Variants in MTMR3 observed in about 807,000 individuals in gnomAD.
The protein encoded by MTMR3 is myotubularin related protein 3, also known as phosphatidylinositol-3,5-bisphosphate 3-phosphatase MTMR3.
In MTMR3, 32 loss-of-function variants were observed where a neutral mutation model predicts 132.4. The ratio of observed to expected loss-of-function variants is 0.24; its 90% CI spans 0.18 to 0.32. MTMR3 has a LOEUF of 0.32. MTMR3 is among the 10% of genes least tolerant of loss of function. The pLI is 1.00. For synonymous variants in MTMR3, 556 were observed against 550.3 expected, an observed-to-expected ratio of 1.01 and a Z score of -0.14; for missense variants, 1,216 against 1,489.6, an observed-to-expected ratio of 0.82 and a Z score of 3.02.
In MTMR3 at chr22:30,025,872, C is replaced by T. The variant is rs535898774; in HGVS notation, c.*71C>T. 1.8e-5 allele frequency: 28 copies of T among 1,532,004 alleles called. No homozygotes were observed. The highest frequency in any genetic ancestry group is 1.8e-4 in the East Asian group (8 of 44,420). 94.9% of individuals were successfully genotyped at this position (1,532,004 alleles called of 1,614,324 possible). Reference sequence around the variant, plus strand: ...ACAGGCCCACTCAACCTGGGCAGACCGAGAGGCCCGTGCACTTTGGAATGG... The same window carrying T: ...ACAGGCCCACTCAACCTGGGCAGACTGAGAGGCCCGTGCACTTTGGAATGG... On this transcript the variant is annotated 3_prime_UTR_variant, in exon 20 of 20. Coordinates refer to ENST00000401950, the MANE Select transcript of MTMR3 (RefSeq NM_021090.4).
chr22:30,017,947 T>C lies in MTMR3; in HGVS notation c.1695T>C (p.His565=), dbSNP rs768063349. The C allele has an allele frequency of 5.5e-5, 89 of 1,613,536 alleles. No homozygotes were observed. The highest frequency in any genetic ancestry group is 1.8e-4 in the South Asian group (16 of 91,002). The change falls in exon 16 of 20, where the codon CAT becomes CAC. Residue 565 remains histidine, a synonymous_variant. Coordinates refer to ENST00000401950, the MANE Select transcript of MTMR3 (RefSeq NM_021090.4). The part of the protein sequence containing the change: ...QSEAVLYPVC[H]VRNLMLWSAV... ...CTCAGGTGCTGTACCCTGTGTGCCATGTGCGTAACCTGATGCTGTGGAGTG... is the reference window on the plus strand; with the variant it reads ...CTCAGGTGCTGTACCCTGTGTGCCACGTGCGTAACCTGATGCTGTGGAGTG...
chr22:29,895,243 T>TG (rs2064871668), intron 1 of MTMR3, among the ~76,000 whole-genome samples: 1 of 152,112 alleles, frequency 6.6e-6, no homozygotes, highest in Non-Finnish European at 1.5e-5. Flanking sequence ...AAATAATAAA[T>TG]GTAGGTACTG....
chr22:29,987,234 GCTT>G (rs1212804880), intron 5 of MTMR3: 1 of 152,142 alleles, frequency 6.6e-6, no homozygotes, highest in East Asian at 1.9e-4. Flanking sequence ...CCAGCACTGG[GCTT>G]CTTTTTGATC....
At chr22:29,908,962 T>TTTTTCTTTTCTTTTC (rs200894829) in intron 1 of MTMR3, among the ~76,000 whole-genome samples, 1 of 145,722 alleles carries the variant, frequency 6.9e-6, no homozygotes, top group African/African-American at 2.5e-5. Context: ...AATATGTTAA[T>TTTTTCTTTTCTTTTC]TTTTCTTTTC....
intron 1 of MTMR3, among the ~76,000 whole-genome samples, chr22:29,940,270 A>G (rs911139756): frequency 1.3e-5 from 2 of 152,152 alleles, no homozygotes; most frequent in Admixed American, 1.3e-4. Context: ...TCCGTTTCAA[A>G]AGAAAAAAAA....
At chr22:29,961,233 A>T (rs1378610534) in intron 2 of MTMR3, among the ~76,000 whole-genome samples, 1 of 152,156 alleles carries the variant, frequency 6.6e-6, no homozygotes, top group African/African-American at 2.4e-5. Flanking sequence ...AAGAATAATT[A>T]GGGCTACAGA....
intron 2 of MTMR3, among the ~76,000 whole-genome samples, chr22:29,959,580 T>A (rs1453265364): frequency 6.6e-6 from 1 of 151,980 alleles, no homozygotes; most frequent in Non-Finnish European, 1.5e-5. Context: ...GGTTTCACTA[T>A]GTTGGCCAGG....
chr22:30,008,823 T>C (rs1363731724), intron 11 of MTMR3, 195 bp from the exon 12 acceptor site: 3 of 458,894 alleles, frequency 6.5e-6, no homozygotes, highest in Non-Finnish European at 1.2e-5. Flanking sequence ...TCACGCTTTT[T>C]GAAAAGATAG....
intron 1 of MTMR3, among the ~76,000 whole-genome samples, chr22:29,899,969 C>T (rs1027344462): frequency 1.1e-4 from 16 of 147,452 alleles, no homozygotes; most frequent in African/African-American, 4.0e-4. Flanking sequence ...CTGAGTTCGT[C>T]GTCTTTTAGC....
At chr22:29,971,464 A>ATT (rs1217373700) in intron 3 of MTMR3, among the ~76,000 whole-genome samples, 18 of 152,128 alleles carry the variant, frequency 1.2e-4, no homozygotes, top group Non-Finnish European at 2.9e-5. Context: ...TTACTTAAAA[A>ATT]TTTTTTTAAA....
At position 29,966,576 on chromosome 22, in the gene MTMR3, T is replaced by A. The variant is rs914236346; in HGVS notation, c.-84-4400T>A. Among the ~76,000 whole-genome samples the A allele has an allele frequency of 4.2e-4, 64 of 152,320 alleles. 1 individual carries two copies. Among genetic ancestry groups the A allele is most frequent in the Non-Finnish European group, 2.2e-4 (15 of 68,028 alleles). On this transcript the variant is annotated intron_variant, in intron 2 of 19. Transcript: ENST00000401950. ...TCTTTTCTTTGTATATTAGGTAGAA[T>A]TCTTCCCTCATCAACTACTTCATTC...
chr22:30,021,869 T>G (rs1038721376), intron 17 of MTMR3, 160 bp from the exon 18 acceptor site: 1 of 628,762 alleles, frequency 1.6e-6, no homozygotes, highest in African/African-American at 1.8e-5. Flanking sequence ...CACACTGCAC[T>G]TCTTCACCCC....
chr22:30,014,276 TGACC>T (rs1601422640), intron 14 of MTMR3: 1 of 152,262 alleles, frequency 6.6e-6, no homozygotes, highest in East Asian at 1.9e-4. Context: ...AAATGACCAG[TGACC>T]TTCATGCCAC....
intron 2 of MTMR3, among the ~76,000 whole-genome samples, chr22:29,960,675 C>G (rs902861220): frequency 6.6e-6 from 1 of 152,114 alleles, no homozygotes; most frequent in Non-Finnish European, 1.5e-5. Flanking sequence ...TTCTTTGATG[C>G]AATGATTGTT....
chr22:29,980,998 C>T (rs1467328266), intron 5 of MTMR3: 2 of 152,216 alleles, frequency 1.3e-5, no homozygotes, highest in African/African-American at 4.8e-5. Flanking sequence ...TCTGTGTTCT[C>T]TTTTCGGCCC....
chr22:29,945,171 C>T (rs991829024), intron 1 of MTMR3, among the ~76,000 whole-genome samples: 6 of 152,074 alleles, frequency 3.9e-5, no homozygotes, highest in African/African-American at 1.2e-4. Flanking sequence ...TGCCATGAGG[C>T]CTGGCGAATT....
In MTMR3 at chr22:30,018,065, C is replaced by G. The variant is rs752392630; in HGVS notation, c.1813C>G (p.Leu605Val). ...APGTSPDDPP[L>V]SRLPKTRSYD... is the part of the protein sequence containing the mutation. ...AGGCACCAGCCCTGATGATCCCCCC[C>G]TGAGCCGGTGAGCCCAGGGTGATGC... The change falls in exon 16 of 20, where the codon CTG (leucine) becomes GTG (valine). Residue 605 changes from leucine to valine, a missense_variant. Around this residue, in one of 7 missense-constraint regions of MTMR3, gnomAD observed 852 missense variants for 852.0 expected, o/e 1.00. Transcript: ENST00000401950. 4 of 1,607,390 alleles carry G rather than the reference C, an allele frequency of 2.5e-6. No individual in the cohort carries two copies. The African/African-American group carries it at 4.0e-5, about 16-fold the overall frequency.
intron 1 of MTMR3, among the ~76,000 whole-genome samples, chr22:29,952,538 C>T (rs536539260): frequency 3.2e-4 from 49 of 152,026 alleles, no homozygotes; most frequent in African/African-American, 1.0e-3. Context: ...ACACTAGGAG[C>T]GTTGAGCCCT....
intron 1 of MTMR3, among the ~76,000 whole-genome samples, chr22:29,950,509 G>A (rs533279519): frequency 4.3e-4 from 65 of 152,042 alleles, no homozygotes; most frequent in Middle Eastern, 3.4e-3. Flanking sequence ...GATTACAGAT[G>A]CACACCACCA....
Sources: gnomAD v4.1 joint callset for allele counts (sites outside exome capture counted in the v4.1 genomes callset) on GRCh38, gnomAD v4.1.1 for gene constraint, gnomAD v4.1.1 regional missense constraint, MANE v1.5 for transcripts, NCBI Gene and HGNC (gene_info 2026-07-23, HGNC 2026-07-21) for gene names.